The following ALG14 variants were observed in gnomAD, a reference collection of about 807,000 sequenced individuals.
ALG14 encodes ALG14 UDP-N-acetylglucosaminyltransferase subunit, also known as UDP-N-acetylglucosamine transferase subunit ALG14.
ALG14 carries 17 observed loss-of-function variants against 22.8 expected under a neutral mutation model. The ratio of observed to expected loss-of-function variants is 0.75; its 90% CI spans 0.51 to 1.12. ALG14 has a LOEUF of 1.12. Among genes scored for constraint, ALG14 ranks in the 50% most tolerant of loss-of-function variants. The pLI is 0.00. For synonymous variants in ALG14, 89 were observed against 103.7 expected (o/e 0.86, Z 0.86); for missense variants, 288 against 271.8 (o/e 1.06, Z -0.42).
chr1:95,011,533 C>T (rs1673362459), intron 3 of ALG14, among the ~76,000 whole-genome samples: 1 of 151,776 alleles, frequency 6.6e-6, no homozygotes, highest in South Asian at 2.1e-4. Flanking sequence ...TCACGCCATT[C>T]TCCTGCCTCA....
At chr1:95,026,504 A>ATG (rs1472605196) in intron 3 of ALG14, among the ~76,000 whole-genome samples, 3 of 108,928 alleles carry the variant, frequency 2.8e-5, no homozygotes, top group Non-Finnish European at 6.0e-5. Context: ...GTGTGTGTGT[A>ATG]TGTGTGTGTG....
chr1:95,030,637 C>A (rs1377954635), intron 2 of ALG14, among the ~76,000 whole-genome samples: 1 of 152,168 alleles, frequency 6.6e-6, no homozygotes, highest in Non-Finnish European at 1.5e-5. Flanking sequence ...GACAGTGTCA[C>A]CAGGACTGGA....
intron 1 of ALG14, chr1:95,067,443 T>C (rs1675411810): frequency 6.6e-6 from 1 of 152,272 alleles, no homozygotes; most frequent in African/African-American, 2.4e-5. Flanking sequence ...ATGCTTACTC[T>C]TGAATACACT....
At chr1:94,988,453 G>A (rs1672693611) in intron 3 of ALG14, among the ~76,000 whole-genome samples, 1 of 152,338 alleles carries the variant, frequency 6.6e-6, no homozygotes, top group South Asian at 2.1e-4. Context: ...GTCAAGAGAA[G>A]AGTAATGGAA....
intron 3 of ALG14, among the ~76,000 whole-genome samples, chr1:95,010,085 G>A (rs1254948357): frequency 2.0e-5 from 3 of 152,016 alleles, no homozygotes; most frequent in Non-Finnish European, 4.4e-5. Flanking sequence ...CATTCACAGA[G>A]GAAAAAATAT....
At position 94,977,419 on chromosome 1, in the gene ALG14, G is replaced by A. The variant is rs1287134543; in HGVS notation, c.*5657C>T. 2 of 152,130 alleles carry A rather than the reference G, an allele frequency of 1.3e-5. No individual in the cohort carries two copies. The highest frequency in any genetic ancestry group is 2.9e-5 in the Non-Finnish European group (2 of 68,032). 9.4% of individuals were successfully genotyped at this position (152,130 alleles called of 1,614,324 possible). A position where few individuals can be genotyped will look rare whatever the true frequency, so the allele number is the denominator to read the frequency against. ...TGGGGAGTCTTCAAGACGTTTTTAGGGGTTTATGAGGTCAAAACTATTTTC... is the reference window on the plus strand; with the variant it reads ...TGGGGAGTCTTCAAGACGTTTTTAGAGGTTTATGAGGTCAAAACTATTTTC... On this transcript the variant is annotated 3_prime_UTR_variant, in exon 4 of 4. Transcript: ENST00000370205.
chr1:95,055,306 T>G (rs1188588063), intron 2 of ALG14, among the ~76,000 whole-genome samples: 2 of 152,176 alleles, frequency 1.3e-5, no homozygotes, highest in African/African-American at 4.8e-5. Context: ...CATAGTAAAT[T>G]ATCAGCTTTA....
chr1:95,010,056 T>A (rs1249546897), intron 3 of ALG14, among the ~76,000 whole-genome samples: 1 of 152,138 alleles, frequency 6.6e-6, no homozygotes, highest in African/African-American at 2.4e-5. Flanking sequence ...TTAACTATGA[T>A]CCATGAATGA....
intron 3 of ALG14, among the ~76,000 whole-genome samples, chr1:94,988,635 G>A (rs563443994): frequency 1.3e-5 from 2 of 152,278 alleles, no homozygotes; most frequent in African/African-American, 4.8e-5. Flanking sequence ...AAACATCAGT[G>A]AGAACAAACT....
intron 2 of ALG14, among the ~76,000 whole-genome samples, chr1:95,042,069 G>A (rs974104995): frequency 6.6e-6 from 1 of 151,942 alleles, no homozygotes; most frequent in Non-Finnish European, 1.5e-5. Flanking sequence ...CATATTAGTA[G>A]GTTTTTACTC....
At position 94,981,249 on chromosome 1, in the gene ALG14, C is replaced by G. The variant is rs1176738708; in HGVS notation, c.*1827G>C. On this transcript the variant is annotated 3_prime_UTR_variant, in exon 4 of 4. Coordinates refer to ENST00000370205, the MANE Select transcript of ALG14 (RefSeq NM_144988.4). ...CGCTCTGATACTCCAGGGAAGCAAC[C>G]AGTGACTGAGATTTGAGGATTAAAA... 3 of 152,158 alleles carry G rather than the reference C, an allele frequency of 2.0e-5. No individual in the cohort carries two copies. Among genetic ancestry groups the G allele is most frequent in the Admixed American group, 6.5e-5 (1 of 15,280 alleles). The allele number at this position is 152,158 out of a possible 1,614,324, so 9.4% of individuals were successfully genotyped here.
intron 3 of ALG14, among the ~76,000 whole-genome samples, chr1:94,992,169 G>C (rs1303400182): frequency 6.6e-6 from 1 of 151,946 alleles, no homozygotes; most frequent in Non-Finnish European, 1.5e-5. Flanking sequence ...CAGTAATATA[G>C]TTATTTATTA....
At chr1:95,002,649 T>C (rs1157108807) in intron 3 of ALG14, among the ~76,000 whole-genome samples, 2 of 152,150 alleles carry the variant, frequency 1.3e-5, no homozygotes, top group African/African-American at 2.4e-5. Context: ...AAATATCCCA[T>C]TTGAAAATAG....
chr1:95,059,790 TA>T (rs1174045706), intron 2 of ALG14, among the ~76,000 whole-genome samples: 1 of 152,042 alleles, frequency 6.6e-6, no homozygotes, highest in Non-Finnish European at 1.5e-5. Flanking sequence ...GACCAAATTT[TA>T]AATTTTACTT....
intron 3 of ALG14, among the ~76,000 whole-genome samples, chr1:94,996,886 T>C (rs1289480267): frequency 6.6e-6 from 1 of 152,148 alleles, no homozygotes; most frequent in Non-Finnish European, 1.5e-5. Context: ...TTCACCGTTG[T>C]TGGCCAGGCT....
intron 3 of ALG14, among the ~76,000 whole-genome samples, chr1:95,004,006 G>A (rs185004941): frequency 1.2e-4 from 18 of 152,224 alleles, no homozygotes; most frequent in Non-Finnish European, 1.9e-4. Context: ...CAAAGCCAGT[G>A]ATAATGGATA....
At chr1:95,042,602 G>A (rs1674415731) in intron 2 of ALG14, among the ~76,000 whole-genome samples, 1 of 152,180 alleles carries the variant, frequency 6.6e-6, no homozygotes, top group South Asian at 2.1e-4. Context: ...TTTTGGTGGG[G>A]CACACCCTCT....
At chr1:95,026,748 G>A (rs1267328491) in intron 3 of ALG14, among the ~76,000 whole-genome samples, 1 of 152,110 alleles carries the variant, frequency 6.6e-6, no homozygotes, top group Non-Finnish European at 1.5e-5. Context: ...GGAAAACATG[G>A]TGAAACCCCA....
At position 95,006,276 on chromosome 1, in the gene ALG14, CCTTTT is replaced by C. The variant is rs1180498192; in HGVS notation, c.420+20848_420+20852del. On this transcript the variant is annotated intron_variant, in intron 3 of 3. Coordinates refer to ENST00000370205, the MANE Select transcript of ALG14 (RefSeq NM_144988.4). ...ACGTAATTTGATTACAAATTCCTTT[CCTTTT>C]ATTTTTTCCTTTTTATTAAAATTAG... is the stretch of plus-strand genomic sequence containing the variant. Among the ~76,000 whole-genome samples, 8 of 152,210 alleles carry C rather than the reference CCTTTT, an allele frequency of 5.3e-5. No homozygotes were observed. The East Asian group carries it at 7.7e-4, about 15-fold the overall frequency.
Sources: gnomAD v4.1 joint callset for allele counts (sites outside exome capture counted in the v4.1 genomes callset) on GRCh38, gnomAD v4.1.1 for gene constraint, MANE v1.5 for transcripts, NCBI Gene and HGNC (gene_info 2026-07-23, HGNC 2026-07-21) for gene names.